NPNT: variants seen among roughly 807,000 people sequenced by gnomAD.
NPNT encodes the protein nephronectin.
NPNT carries 45 observed loss-of-function variants against 68.6 expected under a neutral mutation model. The observed-to-expected ratio is 0.66, with a 90% CI of 0.52 to 0.84. The LOEUF (loss-of-function observed/expected upper bound fraction) is 0.84. NPNT is among the 40% of genes least tolerant of loss of function. The pLI is 0.00. For missense variants in NPNT, 672 were observed against 714.8 expected (o/e 0.94, Z 0.68); for synonymous variants, 233 against 253.3 (o/e 0.92, Z 0.76).
intron 8 of NPNT, among the ~76,000 whole-genome samples, chr4:105,953,698 G>C (rs1731002758): frequency 6.6e-6 from 1 of 152,162 alleles, no homozygotes; most frequent in Non-Finnish European, 1.5e-5. Context: ...TCTAGGTTTT[G>C]CCACCAGAAA....
chr4:105,920,395 TAAAAAAA>T (rs11355483), intron 2 of NPNT, among the ~76,000 whole-genome samples: 4 of 79,506 alleles, frequency 5.0e-5, no homozygotes, highest in Non-Finnish European at 7.3e-5. Flanking sequence ...GTTACTCTAC[TAAAAAAA>T]AAAAAAAAAA....
chr4:105,942,390 A>T lies in NPNT; in HGVS notation c.847A>T (p.Asn283Tyr), dbSNP rs763924419. Residue 283 changes from asparagine to tyrosine, a missense_variant, in exon 8 of 12, where the codon AAT (asparagine) becomes TAT (tyrosine). Coordinates refer to ENST00000379987, the MANE Select transcript of NPNT (RefSeq NM_001033047.3). ...TACCATTTTAAAGGGTGACACAGGA[A>T]ATAATAATTGGATTCCTGATGTTGG... ...NGTILKGDTG[N>Y]NNWIPDVGST... 4 of 1,613,732 alleles carry T rather than the reference A, an allele frequency of 2.5e-6. No homozygotes were observed. Among genetic ancestry groups the T allele is most frequent in the South Asian group, 2.2e-5 (2 of 91,080 alleles).
chr4:105,966,022 G>A (rs969806524), intron 10 of NPNT, among the ~76,000 whole-genome samples: 5 of 151,896 alleles, frequency 3.3e-5, no homozygotes, highest in Admixed American at 3.3e-4. Context: ...TGTTAGAGAA[G>A]ACACTGGAAT....
Position 105,967,339 on chromosome 4 carries a change from G to A in NPNT, c.1497G>A (p.Val499=), listed in dbSNP as rs752475629. 153 of 1,611,322 alleles carry A rather than the reference G, an allele frequency of 9.5e-5. No individual in the cohort carries two copies. The South Asian group carries it at 1.6e-3, about 17-fold the overall frequency. ...VTGLHSGTLQ[V]FVRKHGAHGA... ...GGCTGCACTCTGGCACACTCCAGGT[G>A]TTTGTGAGAAAACACGGTGCCCACG... Residue 499 remains valine, a synonymous_variant, in exon 11 of 12, where the codon GTG becomes GTA. Transcript: ENST00000379987.
intron 3 of NPNT, 90 bp downstream of exon 3, chr4:105,927,518 G>A (rs2149354930): frequency 3.0e-6 from 2 of 675,994 alleles, no homozygotes; most frequent in South Asian, 2.7e-5. Context: ...TACTTTCCAT[G>A]GCTATTTTTC....
intron 9 of NPNT, 168 bp from the exon 10 acceptor site, chr4:105,958,860 T>A (rs1254509346): frequency 1.7e-6 from 1 of 597,138 alleles, no homozygotes; most frequent in Non-Finnish European, 3.0e-6. Flanking sequence ...GATGCACTAT[T>A]GTGCTGAGAA....
At chr4:105,954,838 G>A (rs1033500130) in intron 8 of NPNT, among the ~76,000 whole-genome samples, 10 of 152,062 alleles carry the variant, frequency 6.6e-5, no homozygotes, top group East Asian at 3.8e-4. Context: ...CCCCACTCCC[G>A]TACTCACTAG....
chr4:105,907,143 A>G (rs1413293164), intron 2 of NPNT, among the ~76,000 whole-genome samples: 2 of 152,208 alleles, frequency 1.3e-5, no homozygotes, highest in East Asian at 3.8e-4. Flanking sequence ...GACTCAAAGC[A>G]GAGTCTGTAG....
At position 105,950,148 on chromosome 4, in the gene NPNT, A is replaced by G. The variant is rs1267538416; in HGVS notation, c.1159+7446A>G. On this transcript the variant is annotated intron_variant, in intron 8 of 11. Coordinates refer to ENST00000379987, the MANE Select transcript of NPNT (RefSeq NM_001033047.3). ...TAAAAATTCATTGAAGGTTTTATTA[A>G]CTTCTATTTTTAACCTTTCAGATTT... is the stretch of plus-strand genomic sequence containing the variant. Among the ~76,000 whole-genome samples the G allele has an allele frequency of 2.0e-5, 3 of 152,144 alleles. No homozygotes were observed. The South Asian group carries it at 6.2e-4, about 31-fold the overall frequency.
At chr4:105,903,799 T>G (rs1313278030) in intron 2 of NPNT, among the ~76,000 whole-genome samples, 1 of 151,184 alleles carries the variant, frequency 6.6e-6, no homozygotes, top group Non-Finnish European at 1.5e-5. Flanking sequence ...TTTTTTTTTT[T>G]TTTGAGATAG....
In NPNT at chr4:105,927,377, C is replaced by T; in HGVS notation, c.214C>T (p.Pro72Ser). The change falls in exon 3 of 12, where the codon CCA becomes TCA. Residue 72 changes from proline to serine, a missense_variant. Transcript: ENST00000379987. ...PRCKHGECIG[P>S]NKCKCHPGYA... ...ATGCAAACATGGTGAATGTATCGGG[C>T]CAAACAAGTGCAAGTGTCATCCTGG... The T allele has an allele frequency of 1.2e-6, 2 of 1,612,914 alleles. No individual in the cohort carries two copies. The highest frequency in any genetic ancestry group is 2.2e-5 in the South Asian group (2 of 91,000).
intron 2 of NPNT, among the ~76,000 whole-genome samples, chr4:105,917,247 T>C (rs1425872830): frequency 6.6e-6 from 1 of 152,210 alleles, no homozygotes; most frequent in East Asian, 1.9e-4. Flanking sequence ...CTTCTGCTGC[T>C]TCATGCCTGT....
chr4:105,912,126 A>G (rs768398430), intron 2 of NPNT: 64 of 1,169,474 alleles, frequency 5.5e-5, no homozygotes, highest in Non-Finnish European at 7.9e-5. Context: ...ATAAATACCC[A>G]AGTCCAGCCT....
At chr4:105,938,522 C>A in intron 5 of NPNT, 102 bp downstream of exon 5, 1 of 1,151,542 alleles carries the variant, frequency 8.7e-7, no homozygotes, top group Non-Finnish European at 1.2e-6. Context: ...TTACTTACAT[C>A]AGATAATTAG....
chr4:105,939,405 G>A (rs906978273), intron 5 of NPNT, among the ~76,000 whole-genome samples: 2 of 152,192 alleles, frequency 1.3e-5, no homozygotes, highest in Non-Finnish European at 2.9e-5. Context: ...CAGGGTGTGA[G>A]TATGAGGGGT....
chr4:105,942,714 A>C lies in NPNT; in HGVS notation c.1159+12A>C. 1 of 1,586,590 alleles carries C rather than the reference A, an allele frequency of 6.3e-7. No individual in the cohort carries two copies. Among genetic ancestry groups the C allele is most frequent in the South Asian group, 1.2e-5 (1 of 86,864 alleles). On this transcript the variant is annotated intron_variant, in intron 8 of 11. Transcript: ENST00000379987. ...AGGAGATGTGTTCAGTAAGTCTAAT[A>C]AATGTTAGCACATTTTCAATAGGCT...
Position 105,954,970 on chromosome 4 carries a change from C to A in NPNT, c.1160-3501C>A, listed in dbSNP as rs1227729718. On this transcript the variant is annotated intron_variant, in intron 8 of 11. Coordinates refer to ENST00000379987, the MANE Select transcript of NPNT (RefSeq NM_001033047.3). ...CCAATGCTTTATAACAAGCTCTTAG[C>A]CCATGCTTTGTATAGCTGATGCTCA... 2.0e-5 allele frequency among the ~76,000 whole-genome samples: 3 copies of A among 152,300 alleles called. No individual in the cohort carries two copies. In the East Asian group the frequency reaches 5.8e-4, roughly 29 times the overall value.
intron 2 of NPNT, among the ~76,000 whole-genome samples, chr4:105,908,080 CAG>C (rs1727063223): frequency 6.6e-6 from 1 of 151,980 alleles, no homozygotes; most frequent in Non-Finnish European, 1.5e-5. Flanking sequence ...TGGGAGGAAA[CAG>C]ATATGAATAA....
chr4:105,929,122 C>A (rs549042641), intron 3 of NPNT, among the ~76,000 whole-genome samples: 1 of 152,136 alleles, frequency 6.6e-6, no homozygotes, highest in East Asian at 1.9e-4. Context: ...TCCCCTTACC[C>A]CTAACCCCCA....
Sources: gnomAD v4.1 joint callset for allele counts (sites outside exome capture counted in the v4.1 genomes callset) on GRCh38, gnomAD v4.1.1 for gene constraint, MANE v1.5 for transcripts, NCBI Gene and HGNC (gene_info 2026-07-23, HGNC 2026-07-21) for gene names.